The following EIF4ENIF1 variants were observed in gnomAD, a reference collection of about 807,000 sequenced individuals.
The protein encoded by EIF4ENIF1 is eukaryotic translation initiation factor 4E nuclear import factor 1.
EIF4ENIF1 carries 23 observed loss-of-function variants against 110.5 expected under a neutral mutation model. The ratio of observed to expected loss-of-function variants is 0.21; its 90% CI spans 0.15 to 0.29. EIF4ENIF1 has a LOEUF of 0.29. EIF4ENIF1 is among the 10% of genes least tolerant of loss of function. The pLI is 1.00. For synonymous variants in EIF4ENIF1, 440 were observed against 437.0 expected, an observed-to-expected ratio of 1.01 and a Z score of -0.09; for missense variants, 1,031 against 1,221.1, an observed-to-expected ratio of 0.84 and a Z score of 2.32.
intron 10 of EIF4ENIF1, chr22:31,453,279 CT>C (rs2145942059): frequency 3.1e-6 from 1 of 319,514 alleles, no homozygotes; most frequent in African/African-American, 2.2e-5. Context: ...ACCTTGTAAC[CT>C]AACTTCATGC....
downstream of EIF4ENIF1, among the ~76,000 whole-genome samples, chr22:31,438,345 A>ATAGTT (rs1263108887): frequency 1.3e-5 from 2 of 152,208 alleles, no homozygotes; most frequent in Non-Finnish European, 2.9e-5. Context: ...GTATATACTA[A>ATAGTT]TAGTTAAGGT....
At chr22:31,455,396 T>C (rs1239907047) in intron 8 of EIF4ENIF1, 81 bp from the exon 9 acceptor site, 3 of 211,224 alleles carry the variant, frequency 1.4e-5, no homozygotes, top group Admixed American at 1.7e-4. Flanking sequence ...TCTTTCTTTC[T>C]TTTTTTTTTT....
intron 4 of EIF4ENIF1, among the ~76,000 whole-genome samples, chr22:31,466,465 C>A (rs1416089106): frequency 6.6e-6 from 1 of 151,664 alleles, no homozygotes; most frequent in East Asian, 1.9e-4. Flanking sequence ...ATGTGTAATC[C>A]CAGCTACTCA....
intron 2 of EIF4ENIF1, among the ~76,000 whole-genome samples, chr22:31,487,065 CA>C (rs1285599179): frequency 6.9e-6 from 1 of 144,968 alleles, no homozygotes; most frequent in African/African-American, 2.4e-5. Context: ...AGTAAAACTC[CA>C]TCTCAAAAAA....
intron 7 of EIF4ENIF1, 115 bp from the exon 8 acceptor site, chr22:31,456,102 G>A: frequency 9.6e-7 from 1 of 1,037,262 alleles, no homozygotes; most frequent in East Asian, 2.6e-5. Flanking sequence ...GTGACCTGAA[G>A]ATAAATACTC....
intron 15 of EIF4ENIF1, among the ~76,000 whole-genome samples, chr22:31,444,173 C>G (rs1464327571): frequency 6.6e-6 from 1 of 152,176 alleles, no homozygotes; most frequent in Non-Finnish European, 1.5e-5. Context: ...CCCTTCTGTT[C>G]CAGCCTTAGT....
At chr22:31,464,693 AAAAAAAATATAT>A (rs1291267253) in intron 4 of EIF4ENIF1, among the ~76,000 whole-genome samples, 15 of 52,808 alleles carry the variant, frequency 2.8e-4, no homozygotes, top group East Asian at 2.8e-3. Context: ...AAAAAAAAAA[AAAAAAAATATAT>A]ATATATATAT....
intron 6 of EIF4ENIF1, among the ~76,000 whole-genome samples, chr22:31,461,404 G>A (rs146267072): frequency 3.3e-5 from 5 of 152,286 alleles, no homozygotes; most frequent in African/African-American, 9.6e-5. Flanking sequence ...TAGCAAGGGA[G>A]ATATCTGACC....
At chr22:31,482,703 GAT>G (rs2051864842) in intron 2 of EIF4ENIF1, among the ~76,000 whole-genome samples, 2 of 149,678 alleles carry the variant, frequency 1.3e-5, no homozygotes, top group Admixed American at 1.3e-4. Flanking sequence ...AAAAAAAACA[GAT>G]TAGTCTATTC....
intron 2 of EIF4ENIF1, among the ~76,000 whole-genome samples, chr22:31,476,083 T>C (rs1225280229): frequency 2.6e-5 from 4 of 152,190 alleles, no homozygotes; most frequent in African/African-American, 9.6e-5. Context: ...CCTTGCAATA[T>C]AGGAAATACT....
chr22:31,470,164 C>CA (rs61046632), intron 3 of EIF4ENIF1, among the ~76,000 whole-genome samples: 5,506 of 97,974 alleles, frequency 0.056, 168 homozygotes, highest in Non-Finnish European at 0.065. Flanking sequence ...AACTCCACCT[C>CA]AAAAAAAAAA....
chr22:31,487,197 G>A (rs191112471), intron 2 of EIF4ENIF1, among the ~76,000 whole-genome samples: 23 of 152,244 alleles, frequency 1.5e-4, no homozygotes, highest in Non-Finnish European at 3.4e-4. Context: ...ACACTCTCAG[G>A]TTTGAGAGAA....
chr22:31,441,626 T>C (rs553130655), intron 17 of EIF4ENIF1, 148 bp downstream of exon 17: 8 of 630,996 alleles, frequency 1.3e-5, no homozygotes, highest in East Asian at 2.8e-5. Context: ...ATTGACTGGA[T>C]TGGGCCCACT....
chr22:31,488,532 G>A (rs1303695375), intron 2 of EIF4ENIF1, 91 bp downstream of exon 2: 37 of 1,545,030 alleles, frequency 2.4e-5, no homozygotes, highest in Non-Finnish European at 3.1e-5. Flanking sequence ...GTCAGAATGA[G>A]ATTACCACTT....
At chr22:31,442,237 G>A in intron 16 of EIF4ENIF1, 119 bp from the exon 17 acceptor site, 1 of 790,350 alleles carries the variant, frequency 1.3e-6, no homozygotes, top group Non-Finnish European at 2.0e-6. Flanking sequence ...CCCTTAACAA[G>A]TTTAGAGGAC....
At position 31,443,112 on chromosome 22, in the gene EIF4ENIF1, T is replaced by A; in HGVS notation, c.2074-18A>T. ...GGAGAAAGCTGCAGAGAAAAACAATTGGCATTAGCACATTCTCTAAGTGCC... is the reference window on the plus strand; with the variant it reads ...GGAGAAAGCTGCAGAGAAAAACAATAGGCATTAGCACATTCTCTAAGTGCC... On this transcript the variant is annotated intron_variant, in intron 15 of 18. Transcript: ENST00000330125. 2 of 1,612,974 alleles carry A rather than the reference T, an allele frequency of 1.2e-6. No individual in the cohort carries two copies. Among genetic ancestry groups the A allele is most frequent in the Non-Finnish European group, 1.7e-6 (2 of 1,179,760 alleles).
At chr22:31,472,779 C>T (rs12485176) in intron 2 of EIF4ENIF1, among the ~76,000 whole-genome samples, 4,167 of 152,116 alleles carry the variant, frequency 0.027, 163 homozygotes, top group Admixed American at 0.079. Context: ...CAGGATATCT[C>T]GGGTGTCAAT....
At chr22:31,478,192 G>A (rs752264941) in intron 2 of EIF4ENIF1, among the ~76,000 whole-genome samples, 35 of 152,124 alleles carry the variant, frequency 2.3e-4, no homozygotes, top group Admixed American at 1.7e-3. Context: ...CCCTACTTAA[G>A]TGGGGAAGAG....
At chr22:31,490,832 C>A (rs922861501), upstream of EIF4ENIF1, among the ~76,000 whole-genome samples, 1 of 152,160 alleles carries the variant, frequency 6.6e-6, no homozygotes, top group African/African-American at 2.4e-5. Flanking sequence ...GTCCCGAGAA[C>A]GCAATTTTCC....
Sources: gnomAD v4.1 joint callset for allele counts (sites outside exome capture counted in the v4.1 genomes callset) on GRCh38, gnomAD v4.1.1 for gene constraint, MANE v1.5 for transcripts, NCBI Gene and HGNC (gene_info 2026-07-23, HGNC 2026-07-21) for gene names.